Variants in BTRC observed in about 807,000 individuals in gnomAD.
BTRC encodes beta-transducin repeat containing E3 ubiquitin protein ligase, also known as F-box/WD repeat-containing protein 1A.
A neutral mutation model predicts 85.5 loss-of-function variants in BTRC; 42 were observed. The ratio of observed to expected loss-of-function variants is 0.49; its 90% CI spans 0.38 to 0.64. The LOEUF (loss-of-function observed/expected upper bound fraction) is 0.64. BTRC is among the 30% of genes least tolerant of loss of function. The probability of loss-of-function intolerance (pLI) is 0.00; values close to 1 mark genes in which losing one functional copy is unlikely to be tolerated. For missense variants in BTRC, 594 were observed against 743.5 expected, an observed-to-expected ratio of 0.80 and a Z score of 2.34; for synonymous variants, 255 against 263.3, an observed-to-expected ratio of 0.97 and a Z score of 0.30.
At chr10:101,367,177 TCTC>T (rs1240217167) in intron 1 of BTRC, among the ~76,000 whole-genome samples, 3 of 146,236 alleles carry the variant, frequency 2.1e-5, no homozygotes, top group Non-Finnish European at 4.5e-5. Flanking sequence ...TTCAAGCCAT[TCTC>T]CTACCTCAGC....
intron 1 of BTRC, among the ~76,000 whole-genome samples, chr10:101,382,889 A>T (rs1018362741): frequency 6.6e-6 from 1 of 152,064 alleles, no homozygotes; most frequent in South Asian, 2.1e-4. Context: ...TTGAACTTAG[A>T]CCAATTAAAG....
At chr10:101,394,751 T>A (rs750177053) in intron 1 of BTRC, among the ~76,000 whole-genome samples, 2 of 152,118 alleles carry the variant, frequency 1.3e-5, no homozygotes, top group Non-Finnish European at 2.9e-5. Flanking sequence ...CAGTTCCCTG[T>A]AGAGTAGTAC....
intron 4 of BTRC, among the ~76,000 whole-genome samples, chr10:101,495,749 A>G (rs1334330475): frequency 6.6e-6 from 1 of 152,252 alleles, no homozygotes; most frequent in Non-Finnish European, 1.5e-5. Flanking sequence ...TTCTGTGAAT[A>G]CAATCATAGT....
intron 3 of BTRC, 104 bp from the exon 4 acceptor site, chr10:101,479,264 A>T (rs1004410146): frequency 5.0e-6 from 4 of 807,330 alleles, no homozygotes; most frequent in Non-Finnish European, 5.9e-6. Flanking sequence ...TTATAGATAA[A>T]ATCTATTTGT....
rs1194237945 is a variant in BTRC at position 101,522,014 on chromosome 10, CTTTTTTTTTTTTTTTTTTTTTT to C, written c.556+159_556+180del. 6.9e-4 allele frequency: 47 copies of C among 67,894 alleles called. 1 individual carries two copies. In the East Asian group the frequency reaches 7.7e-3, roughly 11 times the overall value. 4.2% of individuals were successfully genotyped at this position (67,894 alleles called of 1,614,324 possible). A position where few individuals can be genotyped will look rare whatever the true frequency, so the allele number is the denominator to read the frequency against. On this transcript the variant is annotated intron_variant, in intron 5 of 14. Transcript: ENST00000370187. ...TTAACTGTACCTTTTTGATATAAAGCTTTTTTTTTTTTTTTTTTTTTTTTTTTTTTTTTTTTGAGATGGAGTC... is the reference window on the plus strand; with the variant it reads ...TTAACTGTACCTTTTTGATATAAAGCTTTTTTTTTTTTTTGAGATGGAGTC...
intron 9 of BTRC, among the ~76,000 whole-genome samples, chr10:101,534,036 C>T (rs1263613770): frequency 6.6e-6 from 1 of 152,112 alleles, no homozygotes; most frequent in Non-Finnish European, 1.5e-5. Context: ...TAAGTAAATA[C>T]ACAAAAATAG....
At chr10:101,364,182 A>G (rs1942297397) in intron 1 of BTRC, among the ~76,000 whole-genome samples, 1 of 152,048 alleles carries the variant, frequency 6.6e-6, no homozygotes, top group Non-Finnish European at 1.5e-5. Flanking sequence ...TATTGTTGAC[A>G]CTCTCCTGAT....
chr10:101,545,358 A>T (rs1259397534), intron 13 of BTRC, among the ~76,000 whole-genome samples: 2 of 152,258 alleles, frequency 1.3e-5, no homozygotes, highest in Non-Finnish European at 2.9e-5. Context: ...TACTTTAACT[A>T]TAAAGACACA....
intron 4 of BTRC, among the ~76,000 whole-genome samples, chr10:101,484,103 C>G (rs1394448865): frequency 1.3e-5 from 2 of 152,108 alleles, no homozygotes; most frequent in Non-Finnish European, 2.9e-5. Context: ...GAAATAAACC[C>G]CTTCAGTAGC....
At chr10:101,528,404 T>C (rs1055220389) in intron 6 of BTRC, among the ~76,000 whole-genome samples, 3 of 152,176 alleles carry the variant, frequency 2.0e-5, no homozygotes, top group African/African-American at 7.2e-5. Flanking sequence ...GAAGATGGCT[T>C]TTGAGCCTTT....
At chr10:101,531,380 T>A in intron 7 of BTRC, 47 bp downstream of exon 7, 1 of 1,349,622 alleles carries the variant, frequency 7.4e-7, no homozygotes, top group Non-Finnish European at 1.1e-6. Flanking sequence ...CACAGAATTA[T>A]CAGCATTCTT....
chr10:101,435,026 T>A (rs1173343153), intron 2 of BTRC, among the ~76,000 whole-genome samples: 8 of 152,064 alleles, frequency 5.3e-5, no homozygotes, highest in Non-Finnish European at 1.0e-4. Flanking sequence ...TATGTCAGGT[T>A]CAGCACACAC....
At chr10:101,552,784 T>G (rs1002288182) in intron 14 of BTRC, among the ~76,000 whole-genome samples, 2 of 152,162 alleles carry the variant, frequency 1.3e-5, no homozygotes, top group Non-Finnish European at 2.9e-5. Context: ...CTTCTGTTAC[T>G]GGCACCGCCA....
intron 4 of BTRC, among the ~76,000 whole-genome samples, chr10:101,504,750 C>G (rs933397596): frequency 6.6e-6 from 1 of 151,654 alleles, no homozygotes; most frequent in East Asian, 1.9e-4. Flanking sequence ...TCCTCCCCTC[C>G]TTTCAGCTCC....
In BTRC at chr10:101,521,701, C is replaced by A; in HGVS notation, c.387C>A (p.Ser129Arg). ...CCAAGCAACGGAAACTCTCAGCAAGCTATGAAAAGGAAAAGGAACTGTGTG... is the reference window on the plus strand; with the variant it reads ...CCAAGCAACGGAAACTCTCAGCAAGATATGAAAAGGAAAAGGAACTGTGTG... ...IVPKQRKLSASYEKEKELCVK... is the reference protein window; with the variant it reads ...IVPKQRKLSARYEKEKELCVK... Residue 129 changes from serine to arginine, a missense_variant, in exon 5 of 15, where the codon AGC becomes AGA. By Grantham distance (110) the Ser-to-Arg change is moderately radical. Transcript: ENST00000370187. 1 of 1,614,148 alleles carries A rather than the reference C, an allele frequency of 6.2e-7. No homozygotes were observed. The highest frequency in any genetic ancestry group is 8.5e-7 in the Non-Finnish European group (1 of 1,180,040).
At chr10:101,488,339 T>C (rs1946043016) in intron 4 of BTRC, among the ~76,000 whole-genome samples, 1 of 152,208 alleles carries the variant, frequency 6.6e-6, no homozygotes, top group Non-Finnish European at 1.5e-5. Flanking sequence ...CCTGTGCTAT[T>C]GACTTCTCAG....
intron 13 of BTRC, among the ~76,000 whole-genome samples, chr10:101,543,168 G>A (rs1158326466): frequency 4.6e-5 from 7 of 152,122 alleles, no homozygotes; most frequent in Non-Finnish European, 8.8e-5. Flanking sequence ...GTGAGCCACC[G>A]CACCCAGCCA....
At chr10:101,416,223 A>G (rs1564758815) in intron 1 of BTRC, among the ~76,000 whole-genome samples, 1 of 152,094 alleles carries the variant, frequency 6.6e-6, no homozygotes, top group Non-Finnish European at 1.5e-5. Flanking sequence ...ATTCCATTGT[A>G]TGCATATACT....
At chr10:101,485,006 G>C (rs796960117) in intron 4 of BTRC, among the ~76,000 whole-genome samples, 2 of 152,134 alleles carry the variant, frequency 1.3e-5, no homozygotes, top group Non-Finnish European at 2.9e-5. Flanking sequence ...CTAGATGTGC[G>C]TGCCGTTTAA....
Sources: allele counts gnomAD v4.1 joint callset (sites outside exome capture counted in the v4.1 genomes callset), GRCh38; gene constraint gnomAD v4.1.1; transcripts MANE v1.5; gene names NCBI Gene and HGNC (gene_info 2026-07-23, HGNC 2026-07-21).